ATP2B4: variants seen among roughly 807,000 people sequenced by gnomAD.
ATP2B4 encodes the protein ATPase plasma membrane Ca2+ transporting 4, also known as plasma membrane calcium-transporting ATPase 4.
In ATP2B4, 39 loss-of-function variants were observed where a neutral mutation model predicts 110.3. The observed-to-expected ratio is 0.35, with a 90% CI of 0.27 to 0.46. The LOEUF (loss-of-function observed/expected upper bound fraction) is 0.46. ATP2B4 is among the 20% of genes least tolerant of loss of function. ATP2B4 has a pLI of 1.00. For missense variants in ATP2B4, 1,135 were observed against 1,530.9 expected (o/e 0.74, Z 4.32); for synonymous variants, 538 against 571.7 (o/e 0.94, Z 0.84).
intron 20 of ATP2B4, chr1:203,729,499 C>T (rs2365862): frequency 0.2 from 77,569 of 383,292 alleles, 8,452 homozygotes; most frequent in East Asian, 0.29. Flanking sequence ...GAGCTGAGAT[C>T]GCGCCATTAC....
At chr1:203,692,394 G>C (rs1408762632) in intron 2 of ATP2B4, among the ~76,000 whole-genome samples, 1 of 151,936 alleles carries the variant, frequency 6.6e-6, no homozygotes, top group Admixed American at 6.6e-5. Context: ...GCCCCGGCTG[G>C]TCTCGAACTC....
At chr1:203,632,265 A>T (rs1471627467) in intron 1 of ATP2B4, among the ~76,000 whole-genome samples, 1 of 151,916 alleles carries the variant, frequency 6.6e-6, no homozygotes, top group East Asian at 1.9e-4. Flanking sequence ...GATTGTTAGG[A>T]TATATTATTA....
At chr1:203,721,675 T>C (rs761747801) in intron 17 of ATP2B4, among the ~76,000 whole-genome samples, 163 of 105,224 alleles carry the variant, frequency 1.5e-3, no homozygotes, top group Non-Finnish European at 2.0e-3. Context: ...TTTTTTTTTC[T>C]TTTTGGAGAC....
intron 1 of ATP2B4, among the ~76,000 whole-genome samples, chr1:203,654,056 T>G (rs1054846522): frequency 4.0e-5 from 6 of 149,368 alleles, no homozygotes; most frequent in African/African-American, 1.5e-4. Flanking sequence ...CGATCTCAGC[T>G]CACTGCTATG....
At chr1:203,657,054 T>C in intron 1 of ATP2B4, 1 of 808,458 alleles carries the variant, frequency 1.2e-6, no homozygotes. Flanking sequence ...CTTTGCCTCC[T>C]TGTGTCACAA....
At chr1:203,728,742 A>C (rs35993840) in intron 20 of ATP2B4, among the ~76,000 whole-genome samples, 7,852 of 152,234 alleles carry the variant, frequency 0.052, 340 homozygotes, top group Non-Finnish European at 0.078. Context: ...CTGTAATCCC[A>C]GCTACTCGGG....
At chr1:203,737,322 A>T (rs1666900763) in intron 20 of ATP2B4, among the ~76,000 whole-genome samples, 1 of 152,252 alleles carries the variant, frequency 6.6e-6, no homozygotes, top group South Asian at 2.1e-4. Flanking sequence ...GTACTGGCGG[A>T]TAAAGGCACC....
At chr1:203,642,205 C>T (rs1663654028) in intron 1 of ATP2B4, among the ~76,000 whole-genome samples, 1 of 152,142 alleles carries the variant, frequency 6.6e-6, no homozygotes, top group Non-Finnish European at 1.5e-5. Flanking sequence ...ACTCAACCTC[C>T]TGAGTAGCTG....
At chr1:203,674,709 T>G (rs113965949) in intron 1 of ATP2B4, among the ~76,000 whole-genome samples, 8,833 of 127,768 alleles carry the variant, frequency 0.069, 831 homozygotes, top group African/African-American at 0.22. Context: ...CAGGCTGGAG[T>G]GCAATGGCAC....
chr1:203,696,242 T>C (rs1212428183), intron 2 of ATP2B4, among the ~76,000 whole-genome samples: 1 of 152,218 alleles, frequency 6.6e-6, no homozygotes, highest in Non-Finnish European at 1.5e-5. Context: ...TTGGGTTCTA[T>C]TCAGTGAAGA....
intron 20 of ATP2B4, among the ~76,000 whole-genome samples, chr1:203,728,576 G>A (rs1013718012): frequency 1.6e-4 from 25 of 152,180 alleles, no homozygotes; most frequent in East Asian, 3.9e-4. Context: ...TTCCCCAGTC[G>A]GCCAGGCATG....
chr1:203,666,783 C>T (rs1664516857), intron 1 of ATP2B4, among the ~76,000 whole-genome samples: 1 of 152,140 alleles, frequency 6.6e-6, no homozygotes, highest in African/African-American at 2.4e-5. Flanking sequence ...AAACTATTCC[C>T]TTAGGAAGAA....
At chr1:203,654,364 C>G (rs924880865) in intron 1 of ATP2B4, among the ~76,000 whole-genome samples, 6 of 152,128 alleles carry the variant, frequency 3.9e-5, no homozygotes, top group African/African-American at 1.4e-4. Flanking sequence ...TACCTGGTCA[C>G]CCAGGATCTC....
rs564068160 is a variant in ATP2B4 at position 203,633,076 on chromosome 1, A to G, written c.-465+5857A>G. Among the ~76,000 whole-genome samples the G allele has an allele frequency of 3.9e-5, 6 of 152,350 alleles. No homozygotes were observed. The East Asian group carries it at 1.2e-3, about 29-fold the overall frequency. Reference sequence around the variant, plus strand: ...CTAATTTCAAGTCTGAGACTGGGAAAGTATAAGTGAACTGTGTTGTGCCAG... The same window carrying G: ...CTAATTTCAAGTCTGAGACTGGGAAGGTATAAGTGAACTGTGTTGTGCCAG... On this transcript the variant is annotated intron_variant, in intron 1 of 20. Coordinates refer to ENST00000357681, the MANE Select transcript of ATP2B4 (RefSeq NM_001684.5).
In ATP2B4 at chr1:203,727,813, T is replaced by C. The variant is rs1666569668; in HGVS notation, c.3309+242T>C. On this transcript the variant is annotated intron_variant, in intron 20 of 20. Coordinates refer to ENST00000357681, the MANE Select transcript of ATP2B4 (RefSeq NM_001684.5). Reference sequence around the variant, plus strand: ...CACTATTAGCATAGTCCTTTAGCTCTGGGTTGACCCTAAAGCCCAGCCTGC... The same window carrying C: ...CACTATTAGCATAGTCCTTTAGCTCCGGGTTGACCCTAAAGCCCAGCCTGC... The C allele has an allele frequency of 1.6e-5, 8 of 497,420 alleles. No individual in the cohort carries two copies. In the South Asian group the frequency reaches 1.9e-4, roughly 12 times the overall value. 30.8% of individuals were successfully genotyped at this position (497,420 alleles called of 1,614,324 possible).
At chr1:203,642,676 G>A (rs1333450361) in intron 1 of ATP2B4, among the ~76,000 whole-genome samples, 1 of 152,124 alleles carries the variant, frequency 6.6e-6, no homozygotes, top group African/African-American at 2.4e-5. Flanking sequence ...GTGCCTTTCT[G>A]TATAAAAATG....
chr1:203,730,251 AAAG>A (rs964225155), intron 20 of ATP2B4, among the ~76,000 whole-genome samples: 1 of 151,700 alleles, frequency 6.6e-6, no homozygotes, highest in African/African-American at 2.4e-5. Context: ...AAAAGAAGAA[AAAG>A]AAAAGTGGAA....
rs146504396 is a variant in ATP2B4 at position 203,729,459 on chromosome 1, C to T, written c.3309+1888C>T. ...ACTCTGGAGGCTGAGGCAGGAGAATCGCTTGAACCCGGAAGGCTGAGGTTG... is the reference window on the plus strand; with the variant it reads ...ACTCTGGAGGCTGAGGCAGGAGAATTGCTTGAACCCGGAAGGCTGAGGTTG... On this transcript the variant is annotated intron_variant, in intron 20 of 20. Coordinates refer to ENST00000357681, the MANE Select transcript of ATP2B4 (RefSeq NM_001684.5). 2,699 of 360,140 alleles carry T rather than the reference C, an allele frequency of 7.5e-3. 67 individuals are homozygous for T. Among genetic ancestry groups the T allele is most frequent in the African/African-American group, 0.054 (2,510 of 46,170 alleles). The allele number at this position is 360,140 out of a possible 1,614,324, so 22.3% of individuals were successfully genotyped here. A position where few individuals can be genotyped will look rare whatever the true frequency, so the allele number is the denominator to read the frequency against.
At chr1:203,689,953 G>C (rs933790266) in intron 2 of ATP2B4, among the ~76,000 whole-genome samples, 1 of 152,218 alleles carries the variant, frequency 6.6e-6, no homozygotes, top group East Asian at 1.9e-4. Flanking sequence ...CACGCTCTAT[G>C]ATCATTGCTA....
Sources: gnomAD v4.1 joint callset for allele counts (sites outside exome capture counted in the v4.1 genomes callset) on GRCh38, gnomAD v4.1.1 for gene constraint, MANE v1.5 for transcripts, NCBI Gene and HGNC (gene_info 2026-07-23, HGNC 2026-07-21) for gene names.